GALNT1: variants seen among roughly 807,000 people sequenced by gnomAD.
The protein encoded by GALNT1 is polypeptide N-acetylgalactosaminyltransferase 1.
In GALNT1, 17 loss-of-function variants were observed where a neutral mutation model predicts 65.7. The ratio of observed to expected loss-of-function variants is 0.26; its 90% CI spans 0.18 to 0.39. GALNT1 has a LOEUF of 0.39. GALNT1 is among the 10% of genes least tolerant of loss of function. The pLI, the probability that GALNT1 is intolerant of heterozygous loss-of-function variation, is 1.00. For synonymous variants in GALNT1, 210 were observed against 219.7 expected (o/e 0.96, Z 0.39); for missense variants, 460 against 672.8 (o/e 0.68, Z 3.50).
At chr18:35,600,027 T>C (rs532212962) in intron 1 of GALNT1, among the ~76,000 whole-genome samples, 81 of 152,212 alleles carry the variant, frequency 5.3e-4, no homozygotes, top group Non-Finnish European at 6.0e-4. Flanking sequence ...GTGGTTCCAA[T>C]TTAGGATCGT....
rs562961429 is a variant in GALNT1 at position 35,610,556 on chromosome 18, A to AT, written c.-104+28701dup. ...ATGTTTGTGATGGGAATATAAGTGG[A>AT]TTTTTTTATTATGGATTTTGAATTT... On this transcript the variant is annotated intron_variant, in intron 1 of 11. Coordinates refer to ENST00000269195, the MANE Select transcript of GALNT1 (RefSeq NM_020474.4). Among the ~76,000 whole-genome samples, 151 of 152,198 alleles carry AT rather than the reference A, an allele frequency of 9.9e-4. 1 individual carries two copies. Among genetic ancestry groups the AT allele is most frequent in the African/African-American group, 3.5e-3 (144 of 41,538 alleles).
intron 1 of GALNT1, among the ~76,000 whole-genome samples, chr18:35,605,210 T>C (rs1305993644): frequency 6.6e-6 from 1 of 152,114 alleles, no homozygotes; most frequent in Non-Finnish European, 1.5e-5. Context: ...TAACAGTGTT[T>C]TAGAAACTTT....
chr18:35,706,487 G>C lies in GALNT1; in HGVS notation c.1533+2844G>C, dbSNP rs746405189. On this transcript the variant is annotated intron_variant, in intron 11 of 11. Coordinates refer to ENST00000269195, the MANE Select transcript of GALNT1 (RefSeq NM_020474.4). The stretch of plus-strand genomic sequence containing the variant: ...ACTGCACTCCAGCCTGGGCGACAGA[G>C]TGAGACTCCATCTCAAAAAATAAAA... Among the ~76,000 whole-genome samples the C allele has an allele frequency of 5.9e-5, 9 of 151,710 alleles. 1 individual carries two copies. Among genetic ancestry groups the C allele is most frequent in the South Asian group, 4.2e-4 (2 of 4,788 alleles).
At chr18:35,644,860 A>G (rs1189920912) in intron 1 of GALNT1, among the ~76,000 whole-genome samples, 1 of 152,054 alleles carries the variant, frequency 6.6e-6, no homozygotes, top group Non-Finnish European at 1.5e-5. Flanking sequence ...GCATGGTGGC[A>G]TGCACCTGTA....
chr18:35,679,804 T>C (rs918151415), intron 4 of GALNT1, among the ~76,000 whole-genome samples: 3 of 152,198 alleles, frequency 2.0e-5, no homozygotes, highest in African/African-American at 7.2e-5. Flanking sequence ...TCGTAATTGT[T>C]AGACCCAGAA....
At chr18:35,585,955 A>C (rs780296105) in intron 1 of GALNT1, among the ~76,000 whole-genome samples, 15 of 152,204 alleles carry the variant, frequency 9.9e-5, no homozygotes, top group Non-Finnish European at 1.9e-4. Flanking sequence ...TTGTGTGAAC[A>C]GAGTCTTTAT....
chr18:35,606,605 C>T (rs1372273717), intron 1 of GALNT1, among the ~76,000 whole-genome samples: 1 of 152,114 alleles, frequency 6.6e-6, no homozygotes, highest in Non-Finnish European at 1.5e-5. Context: ...AGACTTTTCC[C>T]TTCTCTAAGG....
chr18:35,677,468 G>A (rs1232139449), intron 3 of GALNT1, 123 bp from the exon 4 acceptor site: 3 of 572,326 alleles, frequency 5.2e-6, no homozygotes, highest in Non-Finnish European at 5.9e-6. Context: ...TAAATGAAAA[G>A]GTACCAAGGA....
intron 1 of GALNT1, among the ~76,000 whole-genome samples, chr18:35,597,929 A>C (rs1166480425): frequency 6.7e-6 from 1 of 150,288 alleles, no homozygotes; most frequent in Non-Finnish European, 1.5e-5. Context: ...GAATTATACA[A>C]TATATCATTG....
intron 3 of GALNT1, among the ~76,000 whole-genome samples, chr18:35,674,034 A>G (rs1238286334): frequency 6.6e-6 from 1 of 152,220 alleles, no homozygotes; most frequent in African/African-American, 2.4e-5. Context: ...TTGTAGTACA[A>G]TAGTGTTTGT....
chr18:35,600,970 A>T, intron 1 of GALNT1, among the ~76,000 whole-genome samples: 1 of 151,032 alleles, frequency 6.6e-6, no homozygotes, highest in Non-Finnish European at 1.5e-5. Context: ...GTTTGGAAGT[A>T]TTTCCTTCCT....
intron 1 of GALNT1, among the ~76,000 whole-genome samples, chr18:35,595,182 CTT>C (rs1491314665): frequency 6.6e-6 from 1 of 152,022 alleles, no homozygotes; most frequent in East Asian, 1.9e-4. Flanking sequence ...GTAAAATACT[CTT>C]AATATATAAC....
At chr18:35,633,732 T>C (rs1224898413) in intron 1 of GALNT1, among the ~76,000 whole-genome samples, 2 of 152,132 alleles carry the variant, frequency 1.3e-5, no homozygotes, top group Non-Finnish European at 1.5e-5. Context: ...TTATGCCTCA[T>C]ATACAAGCAA....
chr18:35,702,124 T>G (rs532965826), intron 9 of GALNT1, among the ~76,000 whole-genome samples: 2 of 152,320 alleles, frequency 1.3e-5, no homozygotes, highest in East Asian at 3.9e-4. Flanking sequence ...ACTGTATATG[T>G]GTTTATAGAA....
At chr18:35,614,870 T>C (rs1372374998) in intron 1 of GALNT1, among the ~76,000 whole-genome samples, 1 of 151,320 alleles carries the variant, frequency 6.6e-6, no homozygotes, top group Non-Finnish European at 1.5e-5. Flanking sequence ...GTAAAAAAAA[T>C]AAAAAGCCAC....
Position 35,598,541 on chromosome 18 carries a change from T to C in GALNT1, c.-104+16679T>C, listed in dbSNP as rs143834327. On this transcript the variant is annotated intron_variant, in intron 1 of 11. Coordinates refer to ENST00000269195, the MANE Select transcript of GALNT1 (RefSeq NM_020474.4). ...ACGTAATGACCTGCAGTTCCATCCA[T>C]GTTGTTGAAAATGATAGGATTTCAT... Among the ~76,000 whole-genome samples, 497 of 152,296 alleles carry C rather than the reference T, an allele frequency of 3.3e-3. 3 individuals are homozygous for C. Among genetic ancestry groups the C allele is most frequent in the African/African-American group, 0.011 (477 of 41,564 alleles).
At position 35,687,284 on chromosome 18, in the gene GALNT1, G is replaced by C. The variant is rs536744088; in HGVS notation, c.860+98G>C. On this transcript the variant is annotated intron_variant, in intron 6 of 11. Coordinates refer to ENST00000269195, the MANE Select transcript of GALNT1 (RefSeq NM_020474.4). ...AATGGATAAGTGTATTTTGAGAAAC[G>C]TGAAGCATTCGTATACCTTATGGTA... 5 of 1,195,176 alleles carry C rather than the reference G, an allele frequency of 4.2e-6. 1 individual carries two copies. In the East Asian group the frequency reaches 1.2e-4, roughly 29 times the overall value. The allele number at this position is 1,195,176 out of a possible 1,614,324, so 74.0% of individuals were successfully genotyped here.
chr18:35,642,085 T>C (rs1259999609), intron 1 of GALNT1, among the ~76,000 whole-genome samples: 1 of 152,168 alleles, frequency 6.6e-6, no homozygotes, highest in Non-Finnish European at 1.5e-5. Context: ...AAGCCTGAAA[T>C]CTTTATCATC....
chr18:35,614,990 TAGAA>T (rs530913933), intron 1 of GALNT1, among the ~76,000 whole-genome samples: 18 of 152,148 alleles, frequency 1.2e-4, no homozygotes, highest in South Asian at 6.2e-4. Flanking sequence ...ACCATGTTCA[TAGAA>T]AGAAGGTTTC....
Sources: gnomAD v4.1 joint callset for allele counts (sites outside exome capture counted in the v4.1 genomes callset) on GRCh38, gnomAD v4.1.1 for gene constraint, MANE v1.5 for transcripts, NCBI Gene and HGNC (gene_info 2026-07-23, HGNC 2026-07-21) for gene names.